UBE2F: variants seen among roughly 807,000 people sequenced by gnomAD.
The protein encoded by UBE2F is NEDD8-conjugating enzyme UBE2F.
In UBE2F, 5 loss-of-function variants were observed where a neutral mutation model predicts 29.6. The ratio of observed to expected loss-of-function variants is 0.17; its 90% confidence interval spans 0.09 to 0.36. UBE2F has a LOEUF of 0.36. Ranked by LOEUF, UBE2F falls within the 10% of genes least tolerant of loss-of-function variation. UBE2F has a pLI of 1.00. For synonymous variants in UBE2F, 66 were observed against 81.8 expected (o/e 0.81, Z 1.04); for missense variants, 141 against 228.5 (o/e 0.62, Z 2.47).
At position 238,024,593 on chromosome 2, in the gene UBE2F, C is replaced by T. The variant is rs575601819; in HGVS notation, c.283-749C>T. Among the ~76,000 whole-genome samples the T allele has an allele frequency of 5.3e-5, 8 of 152,256 alleles. No homozygotes were observed. The South Asian group carries it at 1.7e-3, about 32-fold the overall frequency. ...CCTTGGCCTCAAGCAATCCTCCCAC[C>T]TCGACCTCCCAAAGTGCTGAGATTT... On this transcript the variant is annotated intron_variant, in intron 5 of 9. Coordinates refer to ENST00000272930, the MANE Select transcript of UBE2F (RefSeq NM_080678.3).
intron 5 of UBE2F, among the ~76,000 whole-genome samples, chr2:238,023,244 G>A (rs2064336436): frequency 6.6e-6 from 1 of 152,200 alleles, no homozygotes; most frequent in Non-Finnish European, 1.5e-5. Flanking sequence ...TCCCTCTGCA[G>A]CCCAAATGCC....
chr2:238,036,010 T>G (rs1206953711), intron 9 of UBE2F, 70 bp downstream of exon 9: 6 of 1,368,066 alleles, frequency 4.4e-6, no homozygotes, highest in Non-Finnish European at 6.2e-6. Flanking sequence ...GTCTCTTGAT[T>G]GGATAAATGA....
At chr2:237,976,489 T>G (rs1459200035) in intron 2 of UBE2F, among the ~76,000 whole-genome samples, 1 of 152,242 alleles carries the variant, frequency 6.6e-6, no homozygotes, top group Non-Finnish European at 1.5e-5. Context: ...ATTGGGTAAT[T>G]TATAAACAAT....
intron 2 of UBE2F, among the ~76,000 whole-genome samples, chr2:237,979,185 C>T (rs1483161503): frequency 1.3e-5 from 2 of 152,174 alleles, no homozygotes; most frequent in Admixed American, 6.5e-5. Flanking sequence ...TGATTCTGTG[C>T]GTACCCCTTG....
At chr2:237,995,459 T>G (rs2063672070) in intron 4 of UBE2F, among the ~76,000 whole-genome samples, 1 of 152,214 alleles carries the variant, frequency 6.6e-6, no homozygotes, top group Non-Finnish European at 1.5e-5. Flanking sequence ...CACAACCCAC[T>G]GGTGTTTATG....
intron 4 of UBE2F, among the ~76,000 whole-genome samples, chr2:238,009,094 G>A (rs1218713517): frequency 1.3e-5 from 2 of 152,228 alleles, no homozygotes; most frequent in African/African-American, 2.4e-5. Context: ...TTACAAGTTA[G>A]TGGTGATTCT....
At chr2:238,036,866 G>T (rs573142276) in intron 9 of UBE2F, among the ~76,000 whole-genome samples, 1 of 151,942 alleles carries the variant, frequency 6.6e-6, no homozygotes, top group Non-Finnish European at 1.5e-5. Flanking sequence ...GAGAATGGAC[G>T]GTGTCACACC....
chr2:237,994,618 A>T (rs1262812655), intron 3 of UBE2F, 126 bp from the exon 4 acceptor site: 12 of 701,148 alleles, frequency 1.7e-5, no homozygotes, highest in Non-Finnish European at 2.7e-5. Context: ...AGGGAGATCT[A>T]CCAACTTTCC....
chr2:238,032,305 G>C, intron 8 of UBE2F, 51 bp downstream of exon 8: 2 of 1,486,490 alleles, frequency 1.3e-6, no homozygotes, highest in Non-Finnish European at 9.4e-7. Flanking sequence ...CTTGTTGCTG[G>C]TTTTAGACAT....
chr2:237,979,655 A>G (rs1367619412), intron 2 of UBE2F, among the ~76,000 whole-genome samples: 1 of 152,192 alleles, frequency 6.6e-6, no homozygotes, highest in African/African-American at 2.4e-5. Flanking sequence ...TGACCTTTAG[A>G]TGCTTTGTTG....
rs1373393264 is a variant in UBE2F at position 238,011,903 on chromosome 2, G to A, written c.215-4663G>A. Among the ~76,000 whole-genome samples the A allele has an allele frequency of 5.9e-5, 9 of 152,110 alleles. No homozygotes were observed. In the East Asian group the frequency reaches 1.5e-3, roughly 26 times the overall value. On this transcript the variant is annotated intron_variant, in intron 4 of 9. Coordinates refer to ENST00000272930, the MANE Select transcript of UBE2F (RefSeq NM_080678.3). ...AAAGTATTTTCTTTTTTTTGAGACA[G>A]GGTCTCACTCTGTTGCCCAGGCTGG...
chr2:238,000,352 T>C (rs2106361096), intron 4 of UBE2F, among the ~76,000 whole-genome samples: 1 of 152,380 alleles, frequency 6.6e-6, no homozygotes, highest in South Asian at 2.1e-4. Flanking sequence ...TTACTTTTTC[T>C]AGCTTCTTGA....
chr2:238,023,628 A>G (rs1273822893), intron 5 of UBE2F, among the ~76,000 whole-genome samples: 5 of 152,260 alleles, frequency 3.3e-5, no homozygotes, highest in African/African-American at 7.2e-5. Flanking sequence ...CATCATAAAT[A>G]AAAGTTAATA....
chr2:238,006,680 TG>T (rs1319946875), intron 4 of UBE2F, among the ~76,000 whole-genome samples: 3 of 152,204 alleles, frequency 2.0e-5, no homozygotes, highest in African/African-American at 7.2e-5. Flanking sequence ...TGCTTTACTT[TG>T]TTGTCTAAGA....
chr2:237,985,201 CT>C (rs1427786362), intron 2 of UBE2F, among the ~76,000 whole-genome samples: 1 of 152,098 alleles, frequency 6.6e-6, no homozygotes, highest in East Asian at 1.9e-4. Context: ...ATATATTCAT[CT>C]TCTTGTATAG....
At chr2:238,037,011 T>TTTTA (rs2064727051) in intron 9 of UBE2F, among the ~76,000 whole-genome samples, 1 of 152,182 alleles carries the variant, frequency 6.6e-6, no homozygotes, top group African/African-American at 2.4e-5. Flanking sequence ...TGTTTTTAAT[T>TTTTA]TTTATTTATT....
intron 2 of UBE2F, among the ~76,000 whole-genome samples, chr2:237,984,925 A>C (rs537067610): frequency 4.0e-4 from 60 of 150,854 alleles, no homozygotes; most frequent in African/African-American, 1.4e-3. Context: ...GACTACAGGC[A>C]TGCACCACCA....
chr2:237,989,164 T>TTTA, intron 3 of UBE2F, among the ~76,000 whole-genome samples: 1 of 152,208 alleles, frequency 6.6e-6, no homozygotes, highest in Admixed American at 6.5e-5. Flanking sequence ...GTGAAATATT[T>TTTA]TATAAGTGGG....
rs1440491902 is a variant in UBE2F, at chr2:237,994,816, T to C, written c.214+7T>C. ...CAGCTAACAGTAACCCCAGGTAATA[T>C]TCTTACATAAGTATTAAAGTGATTT... On this transcript the variant is annotated splice_region_variant and intron_variant, in intron 4 of 9. Coordinates refer to ENST00000272930, the MANE Select transcript of UBE2F (RefSeq NM_080678.3). 3.1e-6 allele frequency: 5 copies of C among 1,611,914 alleles called. No individual in the cohort carries two copies. Among genetic ancestry groups the C allele is most frequent in the African/African-American group, 1.3e-5 (1 of 74,898 alleles).
Sources: allele counts gnomAD v4.1 joint callset (sites outside exome capture counted in the v4.1 genomes callset), GRCh38; gene constraint gnomAD v4.1.1; transcripts MANE v1.5; gene names NCBI Gene and HGNC (gene_info 2026-07-23, HGNC 2026-07-21).